PCSK6: variants seen among roughly 807,000 people sequenced by gnomAD.
PCSK6 encodes the protein proprotein convertase subtilisin/kexin type 6, also known as paired basic amino acid cleaving enzyme 4.
Under a neutral mutation model 123.3 loss-of-function variants are expected in PCSK6, and 85 were observed. The ratio of observed to expected loss-of-function variants is 0.69; its 90% CI spans 0.58 to 0.83. The LOEUF is 0.83. PCSK6 is among the 40% of genes least tolerant of loss of function. PCSK6 has a pLI of 0.00. For missense variants in PCSK6, 1,191 were observed against 1,282.3 expected (o/e 0.93, Z 1.09); for synonymous variants, 508 against 516.0 (o/e 0.98, Z 0.21).
At chr15:101,413,670 T>G (rs1437030093) in intron 6 of PCSK6, among the ~76,000 whole-genome samples, 1 of 152,178 alleles carries the variant, frequency 6.6e-6, no homozygotes, top group African/African-American at 2.4e-5. Flanking sequence ...TGTTAAATAT[T>G]TCAGTGTAGA....
At chr15:101,422,722 C>T (rs939249657) in intron 6 of PCSK6, among the ~76,000 whole-genome samples, 2 of 151,978 alleles carry the variant, frequency 1.3e-5, no homozygotes, top group Non-Finnish European at 2.9e-5. Context: ...CCCGGGTTCA[C>T]GCCATTCTCC....
intron 1 of PCSK6, among the ~76,000 whole-genome samples, chr15:101,462,792 TA>T (rs2057368094): frequency 6.6e-6 from 1 of 152,192 alleles, no homozygotes; most frequent in Non-Finnish European, 1.5e-5. Context: ...GAAGTAAAAC[TA>T]AAACTTGTAG....
At chr15:101,322,328 A>G (rs1423601079) in intron 18 of PCSK6, among the ~76,000 whole-genome samples, 192 bp downstream of exon 18, 2 of 152,144 alleles carry the variant, frequency 1.3e-5, no homozygotes, top group African/African-American at 4.8e-5. Flanking sequence ...TAAAATGTAG[A>G]GATTCCGCCC....
intron 11 of PCSK6, among the ~76,000 whole-genome samples, chr15:101,375,199 C>T (rs1216100487): frequency 5.3e-5 from 8 of 152,166 alleles, no homozygotes; most frequent in Non-Finnish European, 7.4e-5. Context: ...GCGATCCGCC[C>T]GCCTCGGCCT....
intron 18 of PCSK6, among the ~76,000 whole-genome samples, chr15:101,320,840 G>T (rs1174852876): frequency 6.6e-6 from 1 of 152,186 alleles, no homozygotes; most frequent in African/African-American, 2.4e-5. Context: ...GACGGCTGGC[G>T]ATGCGTCTGG....
At chr15:101,375,397 C>T (rs995169903) in intron 11 of PCSK6, among the ~76,000 whole-genome samples, 1 of 152,106 alleles carries the variant, frequency 6.6e-6, no homozygotes, top group Admixed American at 6.5e-5. Flanking sequence ...ATATGTCATG[C>T]TTAAATTTAT....
At chr15:101,451,679 G>A (rs1257458919) in intron 1 of PCSK6, among the ~76,000 whole-genome samples, 1 of 152,220 alleles carries the variant, frequency 6.6e-6, no homozygotes, top group Non-Finnish European at 1.5e-5. Context: ...TGTCTTCAGG[G>A]CCGGCATCTG....
intron 15 of PCSK6, among the ~76,000 whole-genome samples, chr15:101,330,258 G>A (rs1294262098): frequency 6.6e-6 from 1 of 152,150 alleles, no homozygotes; most frequent in Non-Finnish European, 1.5e-5. Flanking sequence ...TGCTGTCCTG[G>A]GACCCTGGCC....
At chr15:101,424,731 A>G (rs2056197176) in intron 6 of PCSK6, among the ~76,000 whole-genome samples, 1 of 152,260 alleles carries the variant, frequency 6.6e-6, no homozygotes, top group South Asian at 2.1e-4. Flanking sequence ...TATAAAAACA[A>G]CAGCACAAAC....
At chr15:101,476,087 TG>T (rs2057724397) in intron 1 of PCSK6, among the ~76,000 whole-genome samples, 3 of 152,204 alleles carry the variant, frequency 2.0e-5, no homozygotes, top group Admixed American at 2.0e-4. Flanking sequence ...GTTGTGTAAC[TG>T]GGAAAAAGTT....
intron 13 of PCSK6, among the ~76,000 whole-genome samples, chr15:101,333,656 A>G (rs1204164226): frequency 1.3e-5 from 2 of 152,224 alleles, no homozygotes; most frequent in Non-Finnish European, 2.9e-5. Flanking sequence ...TGTTTCTGCA[A>G]TGCAGGCCCC....
rs2040476550 is a variant in PCSK6 at position 101,336,369 on chromosome 15, T to C, written c.1859-4338A>G. 2.6e-5 allele frequency among the ~76,000 whole-genome samples: 4 copies of C among 152,198 alleles called. No homozygotes were observed. The South Asian group carries it at 8.3e-4, about 31-fold the overall frequency. On this transcript the variant is annotated intron_variant, in intron 13 of 21. Transcript: ENST00000611716. ...CATTAAGGGAAACCTACTGCACACG[T>C]CATTTCAGCTGTGTGCATGTGTACC...
intron 6 of PCSK6, among the ~76,000 whole-genome samples, chr15:101,407,253 T>C (rs891280906): frequency 3.3e-5 from 5 of 152,196 alleles, no homozygotes; most frequent in African/African-American, 1.2e-4. Flanking sequence ...TCTACAATAT[T>C]TATCTGCCAA....
At chr15:101,467,481 C>G (rs1280859355) in intron 1 of PCSK6, among the ~76,000 whole-genome samples, 1 of 152,084 alleles carries the variant, frequency 6.6e-6, no homozygotes, top group African/African-American at 2.4e-5. Flanking sequence ...CCATGTTGGC[C>G]AGGCTGGTCT....
rs150672718 is a variant in PCSK6, at chr15:101,351,507, C to T, written c.1858+14689G>A. ...AAGACAACTGTTCATGCATGGCAGC[C>T]ATCGGCTGGTTATGGAACCAGAATT... On this transcript the variant is annotated intron_variant, in intron 13 of 21. Transcript: ENST00000611716. 2.0e-5 allele frequency among the ~76,000 whole-genome samples: 3 copies of T among 152,320 alleles called. No individual in the cohort carries two copies. In the East Asian group the frequency reaches 5.8e-4, roughly 29 times the overall value.
chr15:101,402,134 A>G (rs1206543826), intron 6 of PCSK6, among the ~76,000 whole-genome samples: 7 of 148,268 alleles, frequency 4.7e-5, no homozygotes. Context: ...CAACTATCTG[A>G]TCTTTGACAA....
In PCSK6 at chr15:101,404,272, C is replaced by T. The variant is rs1307762428; in HGVS notation, c.824-5696G>A. 2.0e-5 allele frequency among the ~76,000 whole-genome samples: 3 copies of T among 152,180 alleles called. No individual in the cohort carries two copies. The South Asian group carries it at 6.2e-4, about 32-fold the overall frequency. Reference sequence around the variant, plus strand: ...CTGGCATCTATTGTAAGTTCCTTTCCCCCTTTTATAGGCAGGGCAGAGCCA... The same window carrying T: ...CTGGCATCTATTGTAAGTTCCTTTCTCCCTTTTATAGGCAGGGCAGAGCCA... On this transcript the variant is annotated intron_variant, in intron 6 of 21. Coordinates refer to ENST00000611716, the MANE Select transcript of PCSK6 (RefSeq NM_002570.5).
intron 7 of PCSK6, among the ~76,000 whole-genome samples, chr15:101,397,560 T>A (rs2141570823): frequency 6.6e-6 from 1 of 152,040 alleles, no homozygotes; most frequent in African/African-American, 2.4e-5. Flanking sequence ...ACTCCCCTGG[T>A]CCCCACTCCC....
At chr15:101,487,314 G>C (rs1196616223) in intron 1 of PCSK6, among the ~76,000 whole-genome samples, 1 of 152,260 alleles carries the variant, frequency 6.6e-6, no homozygotes, top group Non-Finnish European at 1.5e-5. Context: ...CGGGCTGCGT[G>C]GCATTCATGC....
Sources: gnomAD v4.1 joint callset for allele counts (sites outside exome capture counted in the v4.1 genomes callset) on GRCh38, gnomAD v4.1.1 for gene constraint, MANE v1.5 for transcripts, NCBI Gene and HGNC (gene_info 2026-07-23, HGNC 2026-07-21) for gene names.